The following CLIC5 variants were observed in gnomAD, a reference collection of about 807,000 sequenced individuals.
The protein encoded by CLIC5 is chloride intracellular channel protein 5.
A neutral mutation model predicts 24.7 loss-of-function variants in CLIC5; 20 were observed. The observed-to-expected ratio is 0.81, with a 90% CI of 0.57 to 1.18. The LOEUF (loss-of-function observed/expected upper bound fraction) is 1.18, where lower values mean the gene tolerates loss of function less well. Among genes scored for constraint, CLIC5 ranks in the 50% most tolerant of loss-of-function variants. The pLI is 0.00. For missense variants in CLIC5, 341 were observed against 326.1 expected (o/e 1.05, Z -0.35); for synonymous variants, 159 against 135.6 (o/e 1.17, Z -1.20).
chr6:46,082,741 GACA>G (rs1762950601), upstream of CLIC5, among the ~76,000 whole-genome samples: 1 of 152,042 alleles, frequency 6.6e-6, no homozygotes, highest in African/African-American at 2.4e-5. Flanking sequence ...TGTTTAAAAT[GACA>G]ACCCATCCCA....
chr6:45,980,767 A>G (rs1231779481), intron 1 of CLIC5, among the ~76,000 whole-genome samples: 1 of 152,126 alleles, frequency 6.6e-6, no homozygotes, highest in Non-Finnish European at 1.5e-5. Flanking sequence ...TTACTTTTAT[A>G]AATAGAAAAA....
upstream of CLIC5, among the ~76,000 whole-genome samples, chr6:46,085,320 A>T (rs1314234861): frequency 1.3e-5 from 2 of 152,340 alleles, no homozygotes; most frequent in African/African-American, 4.8e-5. Flanking sequence ...CTGCTGAGGA[A>T]CTGCGTTCCT....
At chr6:45,939,131 CCCTGGCTTGTGACAGCATCA>C (rs1764039675) in intron 4 of CLIC5, among the ~76,000 whole-genome samples, 1 of 151,980 alleles carries the variant, frequency 6.6e-6, no homozygotes, top group South Asian at 2.1e-4. Flanking sequence ...GCTAAGAGTT[CCCTGGCTTGTGACAGCATCA>C]CCCCAGTCTC....
At chr6:45,882,803 T>C (rs1306260618) in intron 6 of CLIC5, among the ~76,000 whole-genome samples, 2 of 152,216 alleles carry the variant, frequency 1.3e-5, no homozygotes, top group Non-Finnish European at 2.9e-5. Flanking sequence ...ATGTGGTAAA[T>C]GTTTAACTCC....
At chr6:46,038,426 G>T (rs892065987) in intron 1 of CLIC5, among the ~76,000 whole-genome samples, 1 of 152,138 alleles carries the variant, frequency 6.6e-6, no homozygotes, top group African/African-American at 2.4e-5. Context: ...ACCCAGGCCT[G>T]CATTAGGTTG....
the CLIC5 span, among the ~76,000 whole-genome samples, chr6:46,092,785 C>G: frequency 6.6e-6 from 1 of 152,158 alleles, no homozygotes; most frequent in Non-Finnish European, 1.5e-5. Flanking sequence ...AAAATCTACT[C>G]TGTCATTGTT....
intron 1 of CLIC5, among the ~76,000 whole-genome samples, chr6:46,027,165 A>G (rs1323506720): frequency 6.6e-6 from 1 of 152,210 alleles, no homozygotes; most frequent in Non-Finnish European, 1.5e-5. Context: ...ATAGATGTAC[A>G]ATATTAAATT....
chr6:46,105,825 C>T, the CLIC5 span, among the ~76,000 whole-genome samples: 1 of 152,156 alleles, frequency 6.6e-6, no homozygotes, highest in Non-Finnish European at 1.5e-5. Context: ...GGGTCACTGG[C>T]AAGAACTACA....
At chr6:46,041,760 A>G (rs149030701) in intron 1 of CLIC5, among the ~76,000 whole-genome samples, 67 of 152,354 alleles carry the variant, frequency 4.4e-4, no homozygotes, top group Middle Eastern at 6.8e-3. Flanking sequence ...CATTTCATCA[A>G]CTATAAAATG....
intron 1 of CLIC5, among the ~76,000 whole-genome samples, chr6:46,010,592 G>C (rs1057330280): frequency 1.8e-4 from 27 of 152,144 alleles, no homozygotes; most frequent in African/African-American, 6.5e-4. Flanking sequence ...TGCATGGAGG[G>C]GGCCAATAAA....
At chr6:45,889,622 G>A (rs1561911423) in intron 6 of CLIC5, among the ~76,000 whole-genome samples, 1 of 152,190 alleles carries the variant, frequency 6.6e-6, no homozygotes, top group Non-Finnish European at 1.5e-5. Context: ...TAGATAGGGT[G>A]AAGGAAGTAT....
At chr6:46,036,648 T>TG (rs1767670719) in intron 1 of CLIC5, among the ~76,000 whole-genome samples, 1 of 152,206 alleles carries the variant, frequency 6.6e-6, no homozygotes, top group Non-Finnish European at 1.5e-5. Flanking sequence ...CATCTTACAG[T>TG]TATTTGTATT....
intron 3 of CLIC5, among the ~76,000 whole-genome samples, chr6:45,945,577 T>A (rs538693743): frequency 6.6e-6 from 1 of 152,256 alleles, no homozygotes; most frequent in Non-Finnish European, 1.5e-5. Flanking sequence ...CTCTCAGAAT[T>A]TGCTCAAGTG....
downstream of CLIC5, among the ~76,000 whole-genome samples, chr6:45,896,071 T>C (rs1417289988): frequency 6.6e-6 from 1 of 152,212 alleles, no homozygotes; most frequent in Non-Finnish European, 1.5e-5. Flanking sequence ...ATGAACCCAA[T>C]TGCAGGGCCT....
intron 1 of CLIC5, chr6:46,079,692 G>A (rs949288526): frequency 6.5e-7 from 1 of 1,547,384 alleles, no homozygotes; most frequent in African/African-American, 1.4e-5. Context: ...CCTGTCAGAG[G>A]CAGACCTTAC....
intron 1 of CLIC5, among the ~76,000 whole-genome samples, chr6:46,004,311 C>T (rs146513428): frequency 1.3e-5 from 2 of 152,304 alleles, no homozygotes; most frequent in African/African-American, 2.4e-5. Flanking sequence ...TCTGTCCTTG[C>T]AGCACAGTTA....
chr6:46,114,255 C>T, the CLIC5 span, among the ~76,000 whole-genome samples: 1 of 152,176 alleles, frequency 6.6e-6, no homozygotes, highest in Non-Finnish European at 1.5e-5. Flanking sequence ...AAGTCCCTGC[C>T]TTTCCCCCAC....
chr6:45,923,055 G>C (rs150807311), intron 4 of CLIC5, among the ~76,000 whole-genome samples: 2 of 152,152 alleles, frequency 1.3e-5, no homozygotes, highest in African/African-American at 2.4e-5. Context: ...GAACATGTAC[G>C]TGTGTTTTCT....
chr6:46,013,301 T>G (rs1024491428), intron 1 of CLIC5, among the ~76,000 whole-genome samples: 4 of 152,274 alleles, frequency 2.6e-5, no homozygotes, highest in African/African-American at 7.2e-5. Flanking sequence ...TCAGAGAAAC[T>G]CCAAACTTTG....
Sources: allele counts gnomAD v4.1 joint callset (sites outside exome capture counted in the v4.1 genomes callset), GRCh38; gene constraint gnomAD v4.1.1; transcripts MANE v1.5; gene names NCBI Gene and HGNC (gene_info 2026-07-23, HGNC 2026-07-21).